The following HELLS variants were observed in gnomAD, a reference collection of about 807,000 sequenced individuals.
The protein encoded by HELLS is helicase, lymphoid specific, also known as lymphoid-specific helicase.
HELLS carries 32 observed loss-of-function variants against 120.0 expected under a neutral mutation model. That is an observed-to-expected ratio of 0.27 (90% CI 0.20 to 0.36). The LOEUF (loss-of-function observed/expected upper bound fraction) is 0.36. Ranked by LOEUF, HELLS falls within the 10% of genes least tolerant of loss-of-function variation. The pLI is 1.00. For missense variants in HELLS, 650 were observed against 993.4 expected (o/e 0.65, Z 4.65); for synonymous variants, 341 against 323.4 (o/e 1.05, Z -0.58).
rs962535484 is a variant in HELLS at position 94,588,394 on chromosome 10, T to C, written c.1488+4T>C. 5.1e-6 allele frequency: 8 copies of C among 1,570,038 alleles called. No individual in the cohort carries two copies. The African/African-American group carries it at 1.1e-4, about 22-fold the overall frequency. ...AAACATGTTTGGATCCAGTGAGGTA[T>C]AGTGGTTTTGAAATGTACTGTAAAT... On this transcript the variant is annotated splice_donor_region_variant and intron_variant, in intron 13 of 21. Transcript: ENST00000348459.
At chr10:94,577,569 A>G (rs1162212204) in intron 10 of HELLS, 1 of 153,318 alleles carries the variant, frequency 6.5e-6, no homozygotes, top group African/African-American at 2.4e-5. Context: ...ACTTTGGAAT[A>G]TGATTTGCAG....
In HELLS at chr10:94,592,225, T is replaced by G. The variant is rs373821312; in HGVS notation, c.1768-4T>G. 123 of 1,602,974 alleles carry G rather than the reference T, an allele frequency of 7.7e-5. No homozygotes were observed. In the African/African-American group the frequency reaches 1.4e-3, roughly 18 times the overall value. On this transcript the variant is annotated splice_polypyrimidine_tract_variant and splice_region_variant and intron_variant, in intron 15 of 21. Coordinates refer to ENST00000348459, the MANE Select transcript of HELLS (RefSeq NM_018063.5). ...TATTTTTTCTTCCTTTGCCCCTCCTTAAGATCGATGAAGAATTGGTAACAA... is the reference window on the plus strand; with the variant it reads ...TATTTTTTCTTCCTTTGCCCCTCCTGAAGATCGATGAAGAATTGGTAACAA...
chr10:94,610,031 GT>G (rs1846174048), exon 10 of HELLS: 1 of 152,068 alleles, frequency 6.6e-6, no homozygotes, highest in East Asian at 1.9e-4. Context: ...TGGAATTGAC[GT>G]TTAGCTGTGT....
intron 12 of HELLS, among the ~76,000 whole-genome samples, chr10:94,587,426 T>TG (rs1458171536): frequency 2.6e-5 from 4 of 151,902 alleles, no homozygotes; most frequent in African/African-American, 9.7e-5. Context: ...GTTATACACT[T>TG]TTGTGTGTGT....
chr10:94,551,896 C>T (rs1451814367), intron 2 of HELLS, among the ~76,000 whole-genome samples: 2 of 152,006 alleles, frequency 1.3e-5, no homozygotes, highest in African/African-American at 4.8e-5. Context: ...CCTGCAACCA[C>T]ACGCGGCTAA....
chr10:94,578,007 G>T (rs374756493), intron 10 of HELLS, among the ~76,000 whole-genome samples: 4 of 149,414 alleles, frequency 2.7e-5, no homozygotes, highest in Non-Finnish European at 5.9e-5. Flanking sequence ...AGCTTGCAGT[G>T]AGCCGAGATT....
At chr10:94,602,709 T>C (rs1379641971), downstream of HELLS, among the ~76,000 whole-genome samples, 2 of 152,248 alleles carry the variant, frequency 1.3e-5, no homozygotes, top group Non-Finnish European at 2.9e-5. Flanking sequence ...AAATTTTTAT[T>C]TTAATCGTTT....
downstream of HELLS, among the ~76,000 whole-genome samples, chr10:94,603,116 T>C (rs1039645889): frequency 2.6e-5 from 4 of 152,218 alleles, no homozygotes; most frequent in Non-Finnish European, 4.4e-5. Context: ...TATTATATAC[T>C]GCGGATATAT....
chr10:94,583,098 G>C (rs758125969), intron 12 of HELLS, 39 bp downstream of exon 12: 2 of 1,206,392 alleles, frequency 1.7e-6, no homozygotes, highest in Non-Finnish European at 2.4e-6. Context: ...CCATAGGCTC[G>C]ATAGAGTATA....
chr10:94,590,781 A>C lies in HELLS; in HGVS notation c.1767+5A>C, dbSNP rs373544313. ...CCTGTTACACAAGAATTTAAGGTGA[A>C]TACTGTTTAATTCTAATTTACTGTT... On this transcript the variant is annotated splice_donor_5th_base_variant and intron_variant, in intron 15 of 21. Coordinates refer to ENST00000348459, the MANE Select transcript of HELLS (RefSeq NM_018063.5). 4 of 1,428,790 alleles carry C rather than the reference A, an allele frequency of 2.8e-6. No individual in the cohort carries two copies. The allele number at this position is 1,428,790 out of a possible 1,614,324, so 88.5% of individuals were successfully genotyped here.
rs1396007773 is a variant in HELLS, at chr10:94,588,341, A to C, written c.1439A>C (p.Tyr480Ser). Residue 480 changes from tyrosine to serine, a missense_variant, in exon 13 of 22, where the codon TAT (tyrosine) becomes TCT (serine). Physicochemically the swap from Tyr to Ser is moderately radical, Grantham distance 144 (BLOSUM62 -2). This residue lies in a region of HELLS where 191 missense variants were observed against 259.7 expected (regional missense o/e 0.74). Coordinates refer to ENST00000348459, the MANE Select transcript of HELLS (RefSeq NM_018063.5). ...APLSKKQEIF[Y>S]TAIVNRTIAN... ...CTTTCAAAGAAGCAGGAGATCTTTTATACAGCCATTGTGAACCGTACAATT... is the reference window on the plus strand; with the variant it reads ...CTTTCAAAGAAGCAGGAGATCTTTTCTACAGCCATTGTGAACCGTACAATT... The C allele has an allele frequency of 6.2e-7, 1 of 1,612,862 alleles. No individual in the cohort carries two copies. Among genetic ancestry groups the C allele is most frequent in the Non-Finnish European group, 8.5e-7 (1 of 1,179,338 alleles).
chr10:94,566,407 A>C (rs74150824), intron 6 of HELLS, among the ~76,000 whole-genome samples: 1,821 of 152,318 alleles, frequency 0.012, 55 homozygotes, highest in African/African-American at 0.042. Flanking sequence ...TCCAGGGTCA[A>C]GAGAGACTGG....
rs146666252 is a variant in HELLS at position 94,596,751 on chromosome 10, A to G, written c.2249-109A>G. 635 of 595,102 alleles carry G rather than the reference A, an allele frequency of 1.1e-3. 3 individuals carry two copies. In the African/African-American group the frequency reaches 0.011, roughly 10 times the overall value. The allele number at this position is 595,102 out of a possible 1,614,324, so 36.9% of individuals were successfully genotyped here. ...TCATTTGCTTTTATTTTTTATCAAC[A>G]CTTTTTTTTGCCGTCCTTCTTAATG... On this transcript the variant is annotated intron_variant, in intron 19 of 21. Transcript: ENST00000348459.
Position 94,562,848 on chromosome 10 carries a change from A to C in HELLS, c.407A>C (p.Tyr136Ser). Residue 136 changes from tyrosine to serine, a missense_variant, in exon 6 of 22, where the codon TAC becomes TCC. Coordinates refer to ENST00000348459, the MANE Select transcript of HELLS (RefSeq NM_018063.5). ...RKKRGREDESYNISEVMSKEE... is the reference protein window; with the variant it reads ...RKKRGREDESSNISEVMSKEE... ...AAAAGAGGAAGAGAAGATGAATCAT[A>C]CAATATTTCAGAGGTCATGTCAAAA... is the stretch of plus-strand genomic sequence containing the variant. 6.3e-7 allele frequency: 1 copy of C among 1,580,606 alleles called. No individual in the cohort carries two copies. Among genetic ancestry groups the C allele is most frequent in the Non-Finnish European group, 8.6e-7 (1 of 1,156,276 alleles).
intron 9 of HELLS, among the ~76,000 whole-genome samples, chr10:94,609,110 A>T (rs1337664327): frequency 1.6e-5 from 2 of 127,154 alleles, no homozygotes; most frequent in African/African-American, 6.1e-5. Flanking sequence ...TGCAACTTCC[A>T]CCTCCCAGGT....
In HELLS at chr10:94,574,855, T is replaced by C. The variant is rs1188629770; in HGVS notation, c.888+119T>C. On this transcript the variant is annotated intron_variant, in intron 9 of 21. Coordinates refer to ENST00000348459, the MANE Select transcript of HELLS (RefSeq NM_018063.5). Reference sequence around the variant, plus strand: ...TATTGGTTTCTGTATAAATATTTTGTCTGATTTGACTTACTCAATCTGCAC... The same window carrying C: ...TATTGGTTTCTGTATAAATATTTTGCCTGATTTGACTTACTCAATCTGCAC... 6.2e-6 allele frequency: 5 copies of C among 811,944 alleles called. No homozygotes were observed. The East Asian group carries it at 1.1e-4, about 17-fold the overall frequency. The allele number at this position is 811,944 out of a possible 1,614,324, so 50.3% of individuals were successfully genotyped here.
chr10:94,611,644 A>T (rs1192075784), exon 10 of HELLS: 2 of 152,284 alleles, frequency 1.3e-5, no homozygotes, highest in East Asian at 3.9e-4. Flanking sequence ...GTCATTTCTT[A>T]TACTGTAAAC....
At chr10:94,580,117 GTATATATATATATATA>G (rs58984411) in intron 10 of HELLS, among the ~76,000 whole-genome samples, 1,200 of 65,470 alleles carry the variant, frequency 0.018, 44 homozygotes, top group African/African-American at 0.048. Flanking sequence ...CATTATAAAA[GTATATATATATATATA>G]TATATATATA....
chr10:94,596,846 C>G lies in HELLS; in HGVS notation c.2249-14C>G, dbSNP rs2134126052. ...AAAGGAATTTTAATGTTTTTAATTT[C>G]TCATTTTTTTTAGATCATTTCAAAG... On this transcript the variant is annotated splice_polypyrimidine_tract_variant and intron_variant, in intron 19 of 21. Transcript: ENST00000348459. The G allele has an allele frequency of 1.6e-6, 2 of 1,286,912 alleles. No individual in the cohort carries two copies. The highest frequency in any genetic ancestry group is 4.6e-5 in the East Asian group (2 of 43,210). The allele number at this position is 1,286,912 out of a possible 1,614,324, so 79.7% of individuals were successfully genotyped here.
Sources: gnomAD v4.1 joint callset for allele counts (sites outside exome capture counted in the v4.1 genomes callset) on GRCh38, gnomAD v4.1.1 for gene constraint, gnomAD v4.1.1 regional missense constraint, MANE v1.5 for transcripts, NCBI Gene and HGNC (gene_info 2026-07-23, HGNC 2026-07-21) for gene names.